Variants in ADAT1 observed in about 807,000 individuals in gnomAD.
ADAT1 encodes the protein tRNA-specific adenosine deaminase 1.
In ADAT1, 58 loss-of-function variants were observed where a neutral mutation model predicts 58.6. That is an observed-to-expected ratio of 0.99 (90% CI 0.80 to 1.23). The LOEUF (loss-of-function observed/expected upper bound fraction) is 1.23. Among genes scored for constraint, ADAT1 ranks in the 50% most tolerant of loss-of-function variants. The pLI is 0.00. For synonymous variants in ADAT1, 254 were observed against 220.8 expected, an observed-to-expected ratio of 1.15 and a Z score of -1.33; for missense variants, 741 against 608.6, an observed-to-expected ratio of 1.22 and a Z score of -2.29.
In ADAT1 at chr16:75,604,975, T is replaced by C. The variant is rs923412837; in HGVS notation, c.1290-1804A>G. Among the ~76,000 whole-genome samples the C allele has an allele frequency of 2.0e-4, 30 of 150,148 alleles. 1 individual carries two copies. Among genetic ancestry groups the C allele is most frequent in the Non-Finnish European group, 1.5e-5 (1 of 68,008 alleles). ...CTGCAACTAGCAAGACCAAACCCTC[T>C]TCTTCTTCTCCTCCTCCTCAGCCTA... On this transcript the variant is annotated intron_variant, in intron 8 of 9. Coordinates refer to ENST00000564657, the MANE Select transcript of ADAT1 (RefSeq NM_001324445.2).
chr16:75,597,284 G>C lies in ADAT1; in HGVS notation c.*2932C>G, dbSNP rs1336822148. ...TAGGCCATGGAAAGACACAGACACA[G>C]GGAAGAAGGCCATGCGAGACACAGA... On this transcript the variant is annotated 3_prime_UTR_variant, in exon 10 of 10. Coordinates refer to ENST00000564657, the MANE Select transcript of ADAT1 (RefSeq NM_001324445.2). The C allele has an allele frequency of 2.6e-6, 1 of 391,186 alleles. No individual in the cohort carries two copies. The highest frequency in any genetic ancestry group is 2.1e-5 in the African/African-American group (1 of 48,122). The allele number at this position is 391,186 out of a possible 1,614,324, so 24.2% of individuals were successfully genotyped here. A position where few individuals can be genotyped will look rare whatever the true frequency, so the allele number is the denominator to read the frequency against.
chr16:75,612,300 A>G lies in ADAT1; in HGVS notation c.986T>C (p.Val329Ala). The change falls in exon 6 of 10, where the codon GTG (valine) becomes GCG (alanine). Residue 329 changes from valine to alanine, a missense_variant. Coordinates refer to ENST00000564657, the MANE Select transcript of ADAT1 (RefSeq NM_001324445.2). ...GCTGTATGGGCACTTCCCAATGACC[A>G]CAGCTGACAGGTAGATGGGCTCTTC... is the stretch of plus-strand genomic sequence containing the variant. ...LLEEPIYLSAVVIGKCPYSQE... is the reference protein window; with the variant it reads ...LLEEPIYLSAAVIGKCPYSQE... 2.5e-6 allele frequency: 4 copies of G among 1,614,068 alleles called. No individual in the cohort carries two copies. The highest frequency in any genetic ancestry group is 3.4e-6 in the Non-Finnish European group (4 of 1,180,014).
chr16:75,619,524 TAA>T (rs57722018), intron 3 of ADAT1: 146 of 378,746 alleles, frequency 3.9e-4, no homozygotes, highest in Middle Eastern at 7.9e-4. Flanking sequence ...CCCTGTCTCT[TAA>T]AAAAAAAAAA....
At chr16:75,617,364 T>C in intron 4 of ADAT1, 92 bp from the exon 5 acceptor site, 3 of 1,393,764 alleles carry the variant, frequency 2.2e-6, no homozygotes, top group Non-Finnish European at 9.9e-7. Context: ...CAGCTTACTG[T>C]AGACTAATGG....
chr16:75,615,480 TAAAAAAAAAAAAAAAAAAAAAA>T (rs56149357), intron 5 of ADAT1, among the ~76,000 whole-genome samples: 1 of 32,944 alleles, frequency 3.0e-5, no homozygotes, highest in African/African-American at 1.1e-4. Context: ...GTTGATGAGC[TAAAAAAAAAAAAAAAAAAAAAA>T]AAAAAAAAAA....
intron 9 of ADAT1, among the ~76,000 whole-genome samples, chr16:75,602,242 A>C (rs1011552364): frequency 1.3e-5 from 2 of 152,214 alleles, no homozygotes; most frequent in Non-Finnish European, 2.9e-5. Context: ...ACTCCAACAA[A>C]AACTTTGGAC....
intron 8 of ADAT1, among the ~76,000 whole-genome samples, chr16:75,604,526 CAT>C (rs2081321651): frequency 8.8e-6 from 1 of 113,228 alleles, no homozygotes; most frequent in Non-Finnish European, 1.7e-5. Context: ...CACATATATA[CAT>C]ATATATAATT....
chr16:75,600,287 A>C lies in ADAT1; in HGVS notation c.1438T>G (p.Trp480Gly). 6.2e-7 allele frequency: 1 copy of C among 1,614,136 alleles called. No homozygotes were observed. Among genetic ancestry groups the C allele is most frequent in the Non-Finnish European group, 8.5e-7 (1 of 1,180,012 alleles). The change falls in exon 10 of 10, where the codon TGG becomes GGG. Residue 480 changes from tryptophan to glycine, a missense_variant. Trp to Gly is a radical substitution (Grantham distance 184, BLOSUM62 -2). Transcript: ENST00000564657. ...AACACCTGCTTCCGGAGTGTGCTCC[A>C]GGCTTCCTGGTAAGAGGACGCAGCC... is the stretch of plus-strand genomic sequence containing the variant. ...KEAASSYQEA[W>G]STLRKQVFGS...
Position 75,600,188 on chromosome 16 carries a change from T to A in ADAT1, c.*28A>T, listed in dbSNP as rs751180473. On this transcript the variant is annotated 3_prime_UTR_variant, in exon 10 of 10. Transcript: ENST00000564657. ...GAGGAAGGCAGTTCAGGATGAAGGGTCCTGCTACCAGAGCAAACATTTCCT... is the reference window on the plus strand; with the variant it reads ...GAGGAAGGCAGTTCAGGATGAAGGGACCTGCTACCAGAGCAAACATTTCCT... 2 of 1,613,250 alleles carry A rather than the reference T, an allele frequency of 1.2e-6. No individual in the cohort carries two copies. The highest frequency in any genetic ancestry group is 3.3e-5 in the Admixed American group (2 of 59,976).
chr16:75,599,650 C>T lies in ADAT1; in HGVS notation c.*566G>A. On this transcript the variant is annotated 3_prime_UTR_variant, in exon 10 of 10. Transcript: ENST00000564657. ...CAAAACAGAAAGCCTTTCCTGATAC[C>T]TCTGAGAACAAGTCCAGGGCAGTCC... 1 of 985,960 alleles carries T rather than the reference C, an allele frequency of 1.0e-6. No homozygotes were observed. Among genetic ancestry groups the T allele is most frequent in the East Asian group, 1.1e-4 (1 of 8,808 alleles). The allele number at this position is 985,960 out of a possible 1,614,324, so 61.1% of individuals were successfully genotyped here. A position where few individuals can be genotyped will look rare whatever the true frequency, so the allele number is the denominator to read the frequency against.
At chr16:75,611,771 T>C (rs557277638) in intron 6 of ADAT1, among the ~76,000 whole-genome samples, 8 of 152,130 alleles carry the variant, frequency 5.3e-5, no homozygotes, top group Admixed American at 1.3e-4. Flanking sequence ...TTTAAAAAAA[T>C]TATTAGCCGG....
At chr16:75,608,721 C>A (rs777387363) in intron 7 of ADAT1, 122 bp downstream of exon 7, 2 of 1,250,634 alleles carry the variant, frequency 1.6e-6, no homozygotes, top group African/African-American at 1.5e-5. Context: ...TCTCTAAAGC[C>A]CACACTACCG....
chr16:75,608,014 A>G (rs532606985), intron 8 of ADAT1, among the ~76,000 whole-genome samples: 1 of 152,374 alleles, frequency 6.6e-6, no homozygotes, highest in East Asian at 1.9e-4. Flanking sequence ...GATTCCAATG[A>G]TAGAAAATGT....
At position 75,603,123 on chromosome 16, in the gene ADAT1, T is replaced by G; in HGVS notation, c.1338A>C (p.Leu446=). 1.2e-6 allele frequency: 2 copies of G among 1,614,146 alleles called. No homozygotes were observed. Among genetic ancestry groups the G allele is most frequent in the Non-Finnish European group, 1.7e-6 (2 of 1,179,984 alleles). The part of the protein sequence containing the change: ...VELFRSFQKL[L]SRIARDKWPH... ...GCCACTTGTCCCTTGCAATTCTGCT[T>G]AGCAGCTTCTGGAATGATCTGAAGA... is the stretch of plus-strand genomic sequence containing the variant. The change falls in exon 9 of 10, where the codon CTA becomes CTC. Residue 446 remains leucine (L), a synonymous_variant. Coordinates refer to ENST00000564657, the MANE Select transcript of ADAT1 (RefSeq NM_001324445.2).
intron 8 of ADAT1, 84 bp from the exon 9 acceptor site, chr16:75,603,255 GT>G: frequency 8.0e-7 from 1 of 1,253,024 alleles, no homozygotes; most frequent in Non-Finnish European, 1.1e-6. Context: ...GCTTCATGTG[GT>G]TTTTAGGTTT....
At chr16:75,609,186 C>T (rs989962320) in intron 6 of ADAT1, among the ~76,000 whole-genome samples, 198 bp from the exon 7 acceptor site, 2 of 152,152 alleles carry the variant, frequency 1.3e-5, no homozygotes, top group African/African-American at 4.8e-5. Context: ...CCTCAATCTG[C>T]AGGGATAACT....
At chr16:75,613,537 C>T (rs1011968359) in intron 5 of ADAT1, among the ~76,000 whole-genome samples, 3 of 152,170 alleles carry the variant, frequency 2.0e-5, no homozygotes, top group Admixed American at 1.3e-4. Flanking sequence ...CAAGTGACTC[C>T]TGACCTCGAG....
chr16:75,618,753 G>A (rs1187459659), intron 3 of ADAT1, 113 bp from the exon 4 acceptor site: 7 of 1,239,072 alleles, frequency 5.6e-6, no homozygotes, highest in South Asian at 2.8e-5. Flanking sequence ...TGTAGCTCCT[G>A]GAGAGCTTTG....
intron 6 of ADAT1, among the ~76,000 whole-genome samples, chr16:75,611,664 G>A (rs1357323412): frequency 1.3e-5 from 2 of 152,040 alleles, no homozygotes; most frequent in African/African-American, 2.4e-5. Context: ...TTACAGTCGT[G>A]AGCCACCATG....
Sources: allele counts gnomAD v4.1 joint callset (sites outside exome capture counted in the v4.1 genomes callset), GRCh38; gene constraint gnomAD v4.1.1; transcripts MANE v1.5; gene names NCBI Gene and HGNC (gene_info 2026-07-23, HGNC 2026-07-21).